Variants in MAP2K1 observed in about 807,000 individuals in gnomAD.
MAP2K1 encodes dual specificity mitogen-activated protein kinase kinase 1.
In MAP2K1, 16 loss-of-function variants were observed where a neutral mutation model predicts 46.3. That is an observed-to-expected ratio of 0.35 (90% CI 0.23 to 0.52). The LOEUF (loss-of-function observed/expected upper bound fraction) is 0.52, where lower values mean the gene tolerates loss of function less well. Ranked by LOEUF, MAP2K1 falls within the 20% of genes least tolerant of loss-of-function variation. MAP2K1 has a pLI of 0.94. For synonymous variants in MAP2K1, 183 were observed against 185.6 expected, an observed-to-expected ratio of 0.99 and a Z score of 0.11; for missense variants, 263 against 497.1, an observed-to-expected ratio of 0.53 and a Z score of 4.48.
chr15:66,391,969 A>G (rs915375024), intron 1 of MAP2K1, among the ~76,000 whole-genome samples: 1 of 152,180 alleles, frequency 6.6e-6, no homozygotes, highest in South Asian at 2.1e-4. Flanking sequence ...CAACCACAAA[A>G]TCTCAGTAAT....
At chr15:66,448,167 A>C (rs1247413048) in intron 5 of MAP2K1, among the ~76,000 whole-genome samples, 6 of 147,392 alleles carry the variant, frequency 4.1e-5, no homozygotes, top group African/African-American at 1.5e-4. Context: ...AAAAAAAAAA[A>C]AAAAAACCCA....
chr15:66,472,561 G>A (rs1236105591), intron 5 of MAP2K1, among the ~76,000 whole-genome samples: 5 of 152,192 alleles, frequency 3.3e-5, no homozygotes, highest in African/African-American at 9.7e-5. Context: ...GCCCAGCCTG[G>A]GTCAGGGGGC....
At chr15:66,463,547 A>G (rs1892384986) in intron 5 of MAP2K1, among the ~76,000 whole-genome samples, 1 of 152,132 alleles carries the variant, frequency 6.6e-6, no homozygotes, top group African/African-American at 2.4e-5. Context: ...CAATGGTGCG[A>G]TCTCGGCTCA....
At chr15:66,399,329 C>G (rs1595839022) in intron 1 of MAP2K1, among the ~76,000 whole-genome samples, 1 of 152,180 alleles carries the variant, frequency 6.6e-6, no homozygotes, top group South Asian at 2.1e-4. Context: ...AAAACTCATT[C>G]CAAGTCTTAT....
chr15:66,431,543 C>G (rs892913334), intron 1 of MAP2K1, among the ~76,000 whole-genome samples: 2 of 152,154 alleles, frequency 1.3e-5, no homozygotes, highest in Admixed American at 6.5e-5. Context: ...TGCCTTTTCT[C>G]CACTTCCACT....
chr15:66,460,443 G>C (rs1206314164), intron 5 of MAP2K1, among the ~76,000 whole-genome samples: 2 of 152,162 alleles, frequency 1.3e-5, no homozygotes, highest in Non-Finnish European at 2.9e-5. Flanking sequence ...GTAGAGGGAA[G>C]CATGAATCAT....
intron 5 of MAP2K1, among the ~76,000 whole-genome samples, chr15:66,465,356 G>C (rs1417133254): frequency 6.6e-6 from 1 of 152,172 alleles, no homozygotes; most frequent in Non-Finnish European, 1.5e-5. Flanking sequence ...CCACGTGAGA[G>C]GGTTGTGATC....
intron 1 of MAP2K1, among the ~76,000 whole-genome samples, chr15:66,416,004 C>A (rs556297231): frequency 6.6e-6 from 1 of 152,288 alleles, no homozygotes; most frequent in South Asian, 2.1e-4. Flanking sequence ...TCCCCACTCG[C>A]CTTCTAAACC....
Position 66,443,361 on chromosome 15 carries a change from A to G in MAP2K1, c.516+4A>G. On this transcript the variant is annotated splice_donor_region_variant and intron_variant, in intron 4 of 10. Coordinates refer to ENST00000307102, the MANE Select transcript of MAP2K1 (RefSeq NM_002755.4). ...TTTAGGAAAAGTTAGCATTGCTGTG[A>G]GTATGTTATGAAGTTTTTCTTCTAA... 6.3e-7 allele frequency: 1 copy of G among 1,584,202 alleles called. No homozygotes were observed. Among genetic ancestry groups the G allele is most frequent in the Non-Finnish European group, 8.7e-7 (1 of 1,152,876 alleles).
intron 1 of MAP2K1, among the ~76,000 whole-genome samples, chr15:66,396,315 C>A (rs12441926): frequency 6.6e-6 from 1 of 152,028 alleles, no homozygotes; most frequent in African/African-American, 2.4e-5. Flanking sequence ...TTTCACTCTT[C>A]TCATCCAGGC....
At chr15:66,411,136 G>A (rs916666895) in intron 1 of MAP2K1, among the ~76,000 whole-genome samples, 4 of 151,882 alleles carry the variant, frequency 2.6e-5, no homozygotes, top group Admixed American at 1.3e-4. Flanking sequence ...AAGCAAGGCT[G>A]GACTGGTTGG....
intron 5 of MAP2K1, among the ~76,000 whole-genome samples, chr15:66,458,913 C>G (rs894247808): frequency 6.6e-6 from 1 of 152,122 alleles, no homozygotes; most frequent in Non-Finnish European, 1.5e-5. Context: ...GGCCATCCTG[C>G]TTGGAGTGTG....
intron 5 of MAP2K1, among the ~76,000 whole-genome samples, chr15:66,477,237 C>G (rs904100366): frequency 6.6e-6 from 1 of 152,204 alleles, no homozygotes. Context: ...AGGAGGCTTG[C>G]TTGCCATGTG....
At chr15:66,426,347 T>C (rs1202974114) in intron 1 of MAP2K1, among the ~76,000 whole-genome samples, 1 of 122,972 alleles carries the variant, frequency 8.1e-6, no homozygotes, top group Non-Finnish European at 1.7e-5. Context: ...TCATGAAATA[T>C]TCATCAAGAA....
intron 5 of MAP2K1, among the ~76,000 whole-genome samples, chr15:66,448,427 G>C (rs987190441): frequency 6.6e-6 from 1 of 152,178 alleles, no homozygotes; most frequent in African/African-American, 2.4e-5. Context: ...CTGCATTGGG[G>C]GTAGAGTGAG....
At chr15:66,392,356 T>C (rs886782402) in intron 1 of MAP2K1, among the ~76,000 whole-genome samples, 1 of 149,346 alleles carries the variant, frequency 6.7e-6, no homozygotes, top group Non-Finnish European at 1.5e-5. Flanking sequence ...GTTTTGATTG[T>C]TTTGTAGAGA....
intron 10 of MAP2K1, 151 bp downstream of exon 10, chr15:66,489,914 C>CA: frequency 1.3e-6 from 1 of 756,388 alleles, no homozygotes; most frequent in South Asian, 1.4e-5. Flanking sequence ...ACACCAGTCT[C>CA]CTTTGCTCTC....
rs73471735 is a variant in MAP2K1 at position 66,476,177 on chromosome 15, G to A, written c.569-5578G>A. 8.5e-3 allele frequency among the ~76,000 whole-genome samples: 1,299 copies of A among 152,304 alleles called. 28 individuals are homozygous for A. Among genetic ancestry groups the A allele is most frequent in the African/African-American group, 0.03 (1,239 of 41,564 alleles). On this transcript the variant is annotated intron_variant, in intron 5 of 10. Transcript: ENST00000307102. ...CTCAGCCTCCTGTGGGATTCCTAGG[G>A]AAGCTTATGAGCCTGGGAGCCTACT...
At chr15:66,395,126 C>CT (rs2093364529) in intron 1 of MAP2K1, among the ~76,000 whole-genome samples, 1 of 152,182 alleles carries the variant, frequency 6.6e-6, no homozygotes, top group African/African-American at 2.4e-5. Context: ...TCCAAGACCC[C>CT]TAGTGGATGC....
Sources: gnomAD v4.1 joint callset for allele counts (sites outside exome capture counted in the v4.1 genomes callset) on GRCh38, gnomAD v4.1.1 for gene constraint, MANE v1.5 for transcripts, NCBI Gene and HGNC (gene_info 2026-07-23, HGNC 2026-07-21) for gene names.